SPINK2: variants seen among roughly 807,000 people sequenced by gnomAD.
The protein encoded by SPINK2 is serine peptidase inhibitor Kazal type 2.
Under a neutral mutation model 13.5 loss-of-function variants are expected in SPINK2, and 8 were observed. The ratio of observed to expected loss-of-function variants is 0.59; its 90% CI spans 0.35 to 1.07. SPINK2 has a LOEUF of 1.07. Among genes scored for constraint, SPINK2 ranks in the 50% least tolerant of loss-of-function variants. The pLI is 0.02. For synonymous variants in SPINK2, 76 were observed against 74.7 expected, an observed-to-expected ratio of 1.02 and a Z score of -0.09; for missense variants, 148 against 180.3, an observed-to-expected ratio of 0.82 and a Z score of 1.03.
At chr4:56,821,800 AGGGAAGAGGGGCGGC>A (rs1357385970), upstream of SPINK2, 22 of 840,772 alleles carry the variant, frequency 2.6e-5, no homozygotes, top group Middle Eastern at 7.8e-4. Flanking sequence ...GTAGGTGGCG[AGGGAAGAGGGGCGGC>A]GGGAAGAGGA....
Position 56,821,588 on chromosome 4 carries a change from A to G in SPINK2, c.75T>C (p.Pro25=), listed in dbSNP as rs554911373. 18 of 1,548,714 alleles carry G rather than the reference A, an allele frequency of 1.2e-5. No individual in the cohort carries two copies. Among genetic ancestry groups the G allele is most frequent in the African/African-American group, 1.4e-5 (1 of 73,076 alleles). The change falls in exon 1 of 4, where the codon CCT becomes CCC. Residue 25 remains proline, a synonymous_variant. Transcript: ENST00000506738. ...VTFAGSARSG[P]GERGPPEKSG... is the part of the protein sequence containing the mutation. ...TTTTCTCCGGAGGTCCCCGCTCGCC[A>G]GGACCGCTCCGAGCGCTACCTGCGA... is the stretch of plus-strand genomic sequence containing the variant.
intron 2 of SPINK2, chr4:56,816,740 A>T (rs959024431): frequency 2.0e-5 from 3 of 149,060 alleles, no homozygotes; most frequent in Non-Finnish European, 4.5e-5. Context: ...TTAGCTGGGC[A>T]TGGTGGCGGG....
rs115135598 is a variant in SPINK2 at position 56,818,758 on chromosome 4, T to A, written c.249+1778A>T. On this transcript the variant is annotated intron_variant, in intron 2 of 3. Coordinates refer to ENST00000506738, the MANE Select transcript of SPINK2 (RefSeq NM_001271718.2). ...TCTACATGTAGGAACTCACTCACTT[T>A]ACCCTAATCCCAGCCTTGAAACGAA... Among the ~76,000 whole-genome samples, 759 of 152,296 alleles carry A rather than the reference T, an allele frequency of 5.0e-3. 13 individuals are homozygous for A. The highest frequency in any genetic ancestry group is 0.016 in the African/African-American group (674 of 41,570).
rs375969300 is a variant in SPINK2, at chr4:56,811,937, CTTTTTTTTTT to C, written c.250-153_250-144del. 7 of 173,766 alleles carry C rather than the reference CTTTTTTTTTT, an allele frequency of 4.0e-5. 1 individual carries two copies. In the South Asian group the frequency reaches 6.2e-4, roughly 15 times the overall value. The allele number at this position is 173,766 out of a possible 1,614,324, so 10.8% of individuals were successfully genotyped here. A position where few individuals can be genotyped will look rare whatever the true frequency, so the allele number is the denominator to read the frequency against. On this transcript the variant is annotated intron_variant, in intron 2 of 3. Coordinates refer to ENST00000506738, the MANE Select transcript of SPINK2 (RefSeq NM_001271718.2). Reference sequence around the variant, plus strand: ...TTTTTATTTTCCAGAAAAATTTTTTCTTTTTTTTTTTTTTTTTTTGAGACAGAGTCTCGCC... The same window carrying C: ...TTTTTATTTTCCAGAAAAATTTTTTCTTTTTTTTTGAGACAGAGTCTCGCC...
At chr4:56,813,428 A>T (rs1163303380) in intron 2 of SPINK2, among the ~76,000 whole-genome samples, 6 of 152,156 alleles carry the variant, frequency 3.9e-5, no homozygotes. Flanking sequence ...ATCAGATCAC[A>T]AACTGGTACT....
chr4:56,821,672 G>A lies in SPINK2; in HGVS notation c.-10C>T. Reference sequence around the variant, plus strand: ...GCACCGACAGCGCCATCCTCCTCCCGCGCCGGCTGTCTTGCCCCTGCGGTC... The same window carrying A: ...GCACCGACAGCGCCATCCTCCTCCCACGCCGGCTGTCTTGCCCCTGCGGTC... On this transcript the variant is annotated 5_prime_UTR_variant, in exon 1 of 4. Coordinates refer to ENST00000506738, the MANE Select transcript of SPINK2 (RefSeq NM_001271718.2). 6.6e-7 allele frequency: 1 copy of A among 1,524,554 alleles called. No individual in the cohort carries two copies. The highest frequency in any genetic ancestry group is 8.8e-7 in the Non-Finnish European group (1 of 1,138,192). 94.4% of individuals were successfully genotyped at this position (1,524,554 alleles called of 1,614,324 possible).
Position 56,821,636 on chromosome 4 carries a change from C to A in SPINK2, c.27G>T (p.Ala9=). 6.5e-7 allele frequency: 1 copy of A among 1,547,526 alleles called. No individual in the cohort carries two copies. Among genetic ancestry groups the A allele is most frequent in the Non-Finnish European group, 8.7e-7 (1 of 1,147,308 alleles). The stretch of plus-strand genomic sequence containing the variant: ...CGAAGGTAACTGCCAGGAGCAGCAG[C>A]GCCAAGCGCAGCACCGACAGCGCCA... MALSVLRL[A]LLLLAVTFAG... is the part of the protein sequence containing the mutation. Residue 9 remains alanine, a synonymous_variant, in exon 1 of 4, where the codon GCG becomes GCT. Transcript: ENST00000506738.
At chr4:56,820,381 T>C (rs771879722) in intron 2 of SPINK2, among the ~76,000 whole-genome samples, 155 bp downstream of exon 2, 1 of 152,210 alleles carries the variant, frequency 6.6e-6, no homozygotes, top group Non-Finnish European at 1.5e-5. Context: ...CTTACACTTT[T>C]ATCTGAATCA....
intron 1 of SPINK2, chr4:56,821,214 G>T: frequency 2.9e-6 from 2 of 685,864 alleles, no homozygotes; most frequent in South Asian, 6.6e-5. Flanking sequence ...GGTGTCCAGT[G>T]TGGTTGGACT....
chr4:56,816,078 G>C (rs1002966252), intron 2 of SPINK2, among the ~76,000 whole-genome samples: 1 of 152,048 alleles, frequency 6.6e-6, no homozygotes, highest in African/African-American at 2.4e-5. Flanking sequence ...ACTCTAGCAT[G>C]AGCCACAGAA....
chr4:56,811,874 G>T (rs1717007073), intron 2 of SPINK2, 80 bp from the exon 3 acceptor site: 1 of 544,084 alleles, frequency 1.8e-6, no homozygotes. Context: ...AAATGTCCCA[G>T]ATCTCCCTAG....
At position 56,821,475 on chromosome 4, in the gene SPINK2, G is replaced by T; in HGVS notation, c.188C>A (p.Ser63Tyr). The change falls in exon 1 of 4, where the codon TCC becomes TAC. Residue 63 changes from serine (S) to tyrosine (Y), a missense_variant. By Grantham distance (144) the Ser-to-Tyr change is moderately radical (BLOSUM62 -2). Transcript: ENST00000506738. ...TCCTCCACCTGGCAGGTCCTCTGGG[G>T]AACCGCCAGTAACGGGCGCGCGGGT... is the stretch of plus-strand genomic sequence containing the variant. Reference protein sequence around the residue: ...DGTRAPVTGGSPEDLPASLIP... With the variant: ...DGTRAPVTGGYPEDLPASLIP... 3 of 1,529,442 alleles carry T rather than the reference G, an allele frequency of 2.0e-6. No homozygotes were observed. Among genetic ancestry groups the T allele is most frequent in the Non-Finnish European group, 2.6e-6 (3 of 1,142,946 alleles). 94.7% of individuals were successfully genotyped at this position (1,529,442 alleles called of 1,614,324 possible).
At chr4:56,814,026 C>A (rs776033622) in intron 2 of SPINK2, among the ~76,000 whole-genome samples, 1 of 150,236 alleles carries the variant, frequency 6.7e-6, no homozygotes, top group Non-Finnish European at 1.5e-5. Context: ...CAAGTTCAGG[C>A]GATTCTCCTG....
intron 2 of SPINK2, among the ~76,000 whole-genome samples, chr4:56,814,129 G>C (rs777943853): frequency 6.7e-6 from 1 of 150,222 alleles, no homozygotes; most frequent in Non-Finnish European, 1.5e-5. Context: ...TCACCATGTT[G>C]GCCAGGATGG....
At chr4:56,816,246 T>A (rs894817029) in intron 2 of SPINK2, among the ~76,000 whole-genome samples, 1 of 151,810 alleles carries the variant, frequency 6.6e-6, no homozygotes, top group African/African-American at 2.4e-5. Context: ...TACAATAGCA[T>A]CAAAAAGAAT....
intron 2 of SPINK2, among the ~76,000 whole-genome samples, chr4:56,813,191 C>T (rs1190468533): frequency 6.6e-6 from 1 of 151,960 alleles, no homozygotes; most frequent in Admixed American, 6.6e-5. Flanking sequence ...GGGGTGGTGG[C>T]GCATGCTTGT....
At chr4:56,816,346 C>A (rs1016143118) in intron 2 of SPINK2, among the ~76,000 whole-genome samples, 5 of 151,826 alleles carry the variant, frequency 3.3e-5, no homozygotes, top group Non-Finnish European at 5.9e-5. Context: ...CATGGTGAAA[C>A]CTTGTCTCTA....
At chr4:56,815,070 G>C (rs1293527153) in intron 2 of SPINK2, among the ~76,000 whole-genome samples, 4 of 151,570 alleles carry the variant, frequency 2.6e-5, no homozygotes, top group African/African-American at 9.7e-5. Context: ...AGGGGACAAG[G>C]GTGAAACTCT....
chr4:56,815,088 AAAAC>A (rs752065919), intron 2 of SPINK2, among the ~76,000 whole-genome samples: 10 of 152,224 alleles, frequency 6.6e-5, no homozygotes, highest in East Asian at 1.9e-4. Flanking sequence ...TCTGTCTCAA[AAAAC>A]AAACAAACAA....
Sources: gnomAD v4.1 joint callset for allele counts (sites outside exome capture counted in the v4.1 genomes callset) on GRCh38, gnomAD v4.1.1 for gene constraint, MANE v1.5 for transcripts, NCBI Gene and HGNC (gene_info 2026-07-23, HGNC 2026-07-21) for gene names.